NAT2: variants seen among roughly 807,000 people sequenced by gnomAD.
NAT2 encodes arylamine N-acetyltransferase 2.
For missense variants in NAT2, 428 were observed against 339.1 expected, an observed-to-expected ratio of 1.26 and a Z score of -2.06; for synonymous variants, 137 against 125.9, an observed-to-expected ratio of 1.09 and a Z score of -0.59.
At chr8:18,386,505 T>C (rs1007024515), upstream of NAT2, among the ~76,000 whole-genome samples, 8 of 152,280 alleles carry the variant, frequency 5.3e-5, no homozygotes, top group African/African-American at 1.9e-4. Context: ...GAGAAGACCA[T>C]GGTGTTCTGT....
intron 1 of NAT2, among the ~76,000 whole-genome samples, chr8:18,392,835 A>G (rs921270220): frequency 6.6e-6 from 1 of 152,110 alleles, no homozygotes; most frequent in Admixed American, 6.6e-5. Flanking sequence ...GTGGCAACAC[A>G]GGTTAAGAGA....
chr8:18,387,201 G>C (rs1315897219), upstream of NAT2: 1 of 152,942 alleles, frequency 6.5e-6, no homozygotes, highest in Admixed American at 6.5e-5. Context: ...TCCTGCTTAG[G>C]TTTTGGCGCC....
upstream of NAT2, among the ~76,000 whole-genome samples, chr8:18,390,871 G>T (rs1489158067): frequency 3.3e-5 from 5 of 152,116 alleles, no homozygotes; most frequent in South Asian, 1.0e-3. Flanking sequence ...AAAAAGAGAG[G>T]CCTTATAGGA....
Position 18,400,825 on chromosome 8 carries a change from C to T in NAT2, c.822C>T (p.Ser274=). The change falls in exon 2 of 2, where the codon TCC becomes TCT. Residue 274 remains serine (S), a synonymous_variant. Coordinates refer to ENST00000286479, the MANE Select transcript of NAT2 (RefSeq NM_000015.3). ...EEVLRNIFKI[S]LGRNLVPKPG... ...TGCTGAGAAATATATTTAAGATTTCCTTGGGGAGAAATCTCGTGCCCAAAC... is the reference window on the plus strand; with the variant it reads ...TGCTGAGAAATATATTTAAGATTTCTTTGGGGAGAAATCTCGTGCCCAAAC... 1 of 1,608,564 alleles carries T rather than the reference C, an allele frequency of 6.2e-7. No individual in the cohort carries two copies.
chr8:18,394,286 G>A (rs1375211444), intron 1 of NAT2, among the ~76,000 whole-genome samples: 4 of 152,134 alleles, frequency 2.6e-5, no homozygotes, highest in African/African-American at 7.2e-5. Context: ...GCAGGAACCG[G>A]CCATCTGGAT....
At position 18,400,348 on chromosome 8, in the gene NAT2, C is replaced by T. The variant is rs45532639; in HGVS notation, c.345C>T (p.Asp115=). 3.5e-4 allele frequency: 568 copies of T among 1,612,860 alleles called. 1 individual carries two copies. Among genetic ancestry groups the T allele is most frequent in the Middle Eastern group, 1.8e-3 (11 of 6,046 alleles). Residue 115 remains aspartate (D), a synonymous_variant, in exon 2 of 2, where the codon GAC becomes GAT. Transcript: ENST00000286479. ...MVHLLLQVTI[D]GRNYIVDAGS... is the part of the protein sequence containing the mutation. The stretch of plus-strand genomic sequence containing the variant: ...ACCTTCTCCTGCAGGTGACCATTGA[C>T]GGCAGGAATTACATTGTCGATGCTG...
rs749903527 is a variant in NAT2, at chr8:18,400,311, C to G, written c.308C>G (p.Thr103Ser). 2 of 1,613,832 alleles carry G rather than the reference C, an allele frequency of 1.2e-6. No individual in the cohort carries two copies. The highest frequency in any genetic ancestry group is 1.7e-6 in the Non-Finnish European group (2 of 1,179,890). The change falls in exon 2 of 2, where the codon ACT becomes AGT. Residue 103 changes from threonine (T) to serine (S), a missense_variant. Coordinates refer to ENST00000286479, the MANE Select transcript of NAT2 (RefSeq NM_000015.3). ...FYIPPVNKYS[T>S]GMVHLLLQVT... is the part of the protein sequence containing the mutation. ...ATCCCTCCAGTTAACAAATACAGCA[C>G]TGGCATGGTTCACCTTCTCCTGCAG...
chr8:18,400,272 G>A lies in NAT2; in HGVS notation c.269G>A (p.Gly90Glu), dbSNP rs1490596479. ...TTIGFQTTML[G>E]GYFYIPPVNK... ...ATCGGTTTTCAGACCACAATGTTAG[G>A]AGGGTATTTTTACATCCCTCCAGTT... The change falls in exon 2 of 2, where the codon GGA becomes GAA. Residue 90 changes from glycine (G) to glutamate (E), a missense_variant. Coordinates refer to ENST00000286479, the MANE Select transcript of NAT2 (RefSeq NM_000015.3). 1.9e-6 allele frequency: 3 copies of A among 1,613,532 alleles called. No homozygotes were observed. The highest frequency in any genetic ancestry group is 3.3e-5 in the Admixed American group (2 of 59,974).
At chr8:18,393,484 A>G (rs1474062446) in intron 1 of NAT2, among the ~76,000 whole-genome samples, 6 of 152,042 alleles carry the variant, frequency 3.9e-5, no homozygotes, top group African/African-American at 1.5e-4. Flanking sequence ...TAAATAAATA[A>G]ATGTTACTAT....
intron 1 of NAT2, among the ~76,000 whole-genome samples, chr8:18,398,527 G>A (rs1800730326): frequency 6.6e-6 from 1 of 152,138 alleles, no homozygotes; most frequent in South Asian, 2.1e-4. Flanking sequence ...GCCAGGAGAA[G>A]GCCAAAGAAA....
chr8:18,400,722 C>A lies in NAT2; in HGVS notation c.719C>A (p.Thr240Asn), dbSNP rs568250144. Reference protein sequence around the residue: ...GVYCLVGFILTYRKFNYKDNT... With the variant: ...GVYCLVGFILNYRKFNYKDNT... ...TACTGTTTGGTGGGCTTCATCCTCA[C>A]CTATAGAAAATTCAATTATAAAGAC... The change falls in exon 2 of 2, where the codon ACC becomes AAC. Residue 240 changes from threonine (T) to asparagine (N), a missense_variant. Coordinates refer to ENST00000286479, the MANE Select transcript of NAT2 (RefSeq NM_000015.3). The A allele has an allele frequency of 1.1e-5, 17 of 1,613,634 alleles. No homozygotes were observed. The highest frequency in any genetic ancestry group is 1.4e-5 in the Non-Finnish European group (17 of 1,179,942).
chr8:18,387,165 G>C (rs1800517328), upstream of NAT2: 1 of 152,266 alleles, frequency 6.6e-6, no homozygotes, highest in Non-Finnish European at 1.5e-5. Flanking sequence ...CCCAGTGCAG[G>C]GAGCGCGGGG....
At chr8:18,390,045 T>C (rs1800568639), upstream of NAT2, among the ~76,000 whole-genome samples, 1 of 152,124 alleles carries the variant, frequency 6.6e-6, no homozygotes, top group African/African-American at 2.4e-5. Context: ...CAGGAGGCAG[T>C]TTTGTACATG....
chr8:18,399,887 A>T, intron 1 of NAT2, 111 bp from the exon 2 acceptor site: 1 of 1,216,936 alleles, frequency 8.2e-7, no homozygotes, highest in South Asian at 1.6e-5. Flanking sequence ...ACAGATACTT[A>T]TAACCATTGT....
chr8:18,387,427 G>A (rs556524569), upstream of NAT2: 10 of 153,532 alleles, frequency 6.5e-5, no homozygotes, highest in South Asian at 9.2e-4. Context: ...CCGGAGTTCA[G>A]CAGCGCCCGG....
At chr8:18,387,586 G>A (rs1420580947), upstream of NAT2, 2 of 153,210 alleles carry the variant, frequency 1.3e-5, no homozygotes, top group African/African-American at 4.8e-5. Context: ...GGCCACCTCT[G>A]GGTGGGCTTG....
chr8:18,395,547 A>G (rs1800669291), intron 1 of NAT2, among the ~76,000 whole-genome samples: 1 of 152,182 alleles, frequency 6.6e-6, no homozygotes, highest in South Asian at 2.1e-4. Context: ...AACATGCCAA[A>G]TACACCGAAT....
intron 1 of NAT2, among the ~76,000 whole-genome samples, chr8:18,394,948 C>T (rs894098218): frequency 5.9e-5 from 9 of 152,178 alleles, no homozygotes; most frequent in African/African-American, 1.9e-4. Context: ...TCAAATTTTG[C>T]TCACAAGAGT....
rs1243244127 is a variant in NAT2, at chr8:18,401,112, A to G, written c.*236A>G. 2.6e-6 allele frequency: 1 copy of G among 382,716 alleles called. No homozygotes were observed. The highest frequency in any genetic ancestry group is 4.8e-6 in the Non-Finnish European group (1 of 209,976). 23.7% of individuals were successfully genotyped at this position (382,716 alleles called of 1,614,324 possible). On this transcript the variant is annotated 3_prime_UTR_variant, in exon 2 of 2. Transcript: ENST00000286479. The stretch of plus-strand genomic sequence containing the variant: ...GGCATTTTAAGGATGGCCTGTGATT[A>G]TCTTGGGAAGCAGAGTGATTCATGC...
Sources: allele counts gnomAD v4.1 joint callset (sites outside exome capture counted in the v4.1 genomes callset), GRCh38; gene constraint gnomAD v4.1.1; transcripts MANE v1.5; gene names NCBI Gene and HGNC (gene_info 2026-07-23, HGNC 2026-07-21).